Variants in FRMD4A observed in about 807,000 individuals in gnomAD.
The protein encoded by FRMD4A is FERM domain-containing protein 4A.
In FRMD4A, 29 loss-of-function variants were observed where a neutral mutation model predicts 129.1. The ratio of observed to expected loss-of-function variants is 0.22; its 90% CI spans 0.17 to 0.31. The LOEUF is 0.31. FRMD4A is among the 10% of genes least tolerant of loss of function. The pLI is 1.00. For synonymous variants in FRMD4A, 634 were observed against 571.6 expected (o/e 1.11, Z -1.56); for missense variants, 1,272 against 1,375.8 (o/e 0.92, Z 1.19).
Position 14,274,653 on chromosome 10 carries a change from C to T in FRMD4A, c.45+55405G>A, listed in dbSNP as rs989419748. On this transcript the variant is annotated intron_variant, in intron 2 of 24. Coordinates refer to ENST00000357447, the MANE Select transcript of FRMD4A (RefSeq NM_018027.5). Reference sequence around the variant, plus strand: ...ACAAAGGCTGAACCTCCGCCAGGGACGCTGAAGGGAGAATTGGAAAAATGA... The same window carrying T: ...ACAAAGGCTGAACCTCCGCCAGGGATGCTGAAGGGAGAATTGGAAAAATGA... 3.9e-5 allele frequency among the ~76,000 whole-genome samples: 6 copies of T among 152,104 alleles called. No homozygotes were observed. The East Asian group carries it at 7.7e-4, about 20-fold the overall frequency.
intron 23 of FRMD4A, 99 bp from the exon 24 acceptor site, chr10:13,652,073 C>T (rs968561636): frequency 1.2e-5 from 9 of 767,654 alleles, no homozygotes; most frequent in South Asian, 2.8e-5. Flanking sequence ...TTAATATATC[C>T]GAAAGGCTTG....
Position 13,937,043 on chromosome 10 carries a change from C to T in FRMD4A, c.46-78131G>A, listed in dbSNP as rs979576065. 2.0e-5 allele frequency among the ~76,000 whole-genome samples: 3 copies of T among 152,182 alleles called. No individual in the cohort carries two copies. The East Asian group carries it at 5.8e-4, about 29-fold the overall frequency. On this transcript the variant is annotated intron_variant, in intron 2 of 24. Transcript: ENST00000357447. The stretch of plus-strand genomic sequence containing the variant: ...CTTCTGGCTGGGCTCACCAAAGGAG[C>T]CTTGAGTTCTCAGCAATGTGGAAAT...
chr10:13,659,215 G>T, intron 21 of FRMD4A, 108 bp downstream of exon 21: 1 of 1,002,234 alleles, frequency 1.0e-6, no homozygotes, highest in Non-Finnish European at 1.6e-6. Context: ...ATCCTCCCAG[G>T]TTCAGGTCTG....
At chr10:14,064,687 C>T (rs947931816) in intron 2 of FRMD4A, among the ~76,000 whole-genome samples, 4 of 152,090 alleles carry the variant, frequency 2.6e-5, no homozygotes, top group Admixed American at 6.5e-5. Context: ...AGGTGATTCT[C>T]CTGCCTCAGC....
At chr10:14,187,817 C>CG (rs1842195978) in intron 2 of FRMD4A, among the ~76,000 whole-genome samples, 16 of 152,226 alleles carry the variant, frequency 1.1e-4, no homozygotes, top group Non-Finnish European at 1.5e-4. Context: ...ATTTGGTTTT[C>CG]TTTGATTCCA....
chr10:14,113,250 T>C (rs1462525356), intron 2 of FRMD4A, among the ~76,000 whole-genome samples: 1 of 152,186 alleles, frequency 6.6e-6, no homozygotes, highest in African/African-American at 2.4e-5. Context: ...ACACGTGAAT[T>C]TTCTTCTGCC....
intron 2 of FRMD4A, among the ~76,000 whole-genome samples, chr10:14,140,311 C>T (rs967034212): frequency 6.6e-6 from 1 of 152,200 alleles, no homozygotes; most frequent in Admixed American, 6.5e-5. Context: ...GATCCACCTG[C>T]CTTGGCCTCC....
In FRMD4A at chr10:14,008,177, T is replaced by C. The variant is rs1055117681; in HGVS notation, c.46-149265A>G. ...TGGTGTACAGCTGTGTGTGTGTGTG[T>C]GTGTGTGTGTGTGTGTGTGTGTGTG... is the stretch of plus-strand genomic sequence containing the variant. On this transcript the variant is annotated intron_variant, in intron 2 of 24. Transcript: ENST00000357447. 6.2e-6 allele frequency: 7 copies of C among 1,134,674 alleles called. No homozygotes were observed. In the African/African-American group the frequency reaches 9.6e-5, roughly 16 times the overall value. The allele number at this position is 1,134,674 out of a possible 1,614,324, so 70.3% of individuals were successfully genotyped here.
chr10:13,902,400 T>C (rs961504141), intron 2 of FRMD4A, among the ~76,000 whole-genome samples: 2 of 150,124 alleles, frequency 1.3e-5, no homozygotes, highest in African/African-American at 4.9e-5. Flanking sequence ...AAGTTGGAGA[T>C]ATCTATACAT....
chr10:13,710,938 C>T (rs1589490044), intron 12 of FRMD4A, among the ~76,000 whole-genome samples: 2 of 152,102 alleles, frequency 1.3e-5, no homozygotes, highest in African/African-American at 4.8e-5. Flanking sequence ...CACTAGAACC[C>T]GGGAGGCAGA....
At chr10:14,316,813 C>G (rs976916297) in intron 2 of FRMD4A, among the ~76,000 whole-genome samples, 2 of 152,176 alleles carry the variant, frequency 1.3e-5, no homozygotes, top group Non-Finnish European at 2.9e-5. Flanking sequence ...TGGGTGGAAC[C>G]AGAGCCACAG....
chr10:13,995,715 C>T (rs2095620110), intron 2 of FRMD4A, among the ~76,000 whole-genome samples: 1 of 152,128 alleles, frequency 6.6e-6, no homozygotes, highest in Non-Finnish European at 1.5e-5. Context: ...TGCTCGTTGA[C>T]AATTGGTCTT....
intron 2 of FRMD4A, among the ~76,000 whole-genome samples, chr10:14,193,887 G>T (rs928027577): frequency 2.6e-5 from 4 of 152,034 alleles, no homozygotes; most frequent in Non-Finnish European, 5.9e-5. Context: ...GGTGAACACT[G>T]ATCCATCCCA....
intron 16 of FRMD4A, among the ~76,000 whole-genome samples, chr10:13,671,726 A>G (rs7091018): frequency 0.43 from 64,843 of 152,082 alleles, 14,234 homozygotes; most frequent in Non-Finnish European, 0.46. Flanking sequence ...TGGCTGCCCC[A>G]CACTGTAGAG....
intron 2 of FRMD4A, among the ~76,000 whole-genome samples, chr10:13,997,047 C>A (rs1392656705): frequency 6.7e-6 from 1 of 149,234 alleles, no homozygotes; most frequent in Non-Finnish European, 1.5e-5. Context: ...TTTCCCTCTG[C>A]TAGATCTTAG....
chr10:14,161,735 G>A (rs1265643793), intron 2 of FRMD4A, among the ~76,000 whole-genome samples: 2 of 152,106 alleles, frequency 1.3e-5, no homozygotes, highest in African/African-American at 2.4e-5. Flanking sequence ...GAAGAAATAA[G>A]TTCTACTGTT....
chr10:13,800,703 G>A (rs1383337391), intron 4 of FRMD4A, among the ~76,000 whole-genome samples: 1 of 152,148 alleles, frequency 6.6e-6, no homozygotes, highest in Non-Finnish European at 1.5e-5. Context: ...TTCAAGGTGG[G>A]GACATGTCGC....
At chr10:13,854,406 T>C (rs1042121300) in intron 3 of FRMD4A, among the ~76,000 whole-genome samples, 2 of 152,042 alleles carry the variant, frequency 1.3e-5, no homozygotes, top group South Asian at 2.1e-4. Context: ...TCCTCTCATT[T>C]TGATGAAGGC....
intron 2 of FRMD4A, among the ~76,000 whole-genome samples, chr10:13,905,457 A>G (rs1399666996): frequency 6.6e-6 from 1 of 152,222 alleles, no homozygotes; most frequent in Non-Finnish European, 1.5e-5. Flanking sequence ...GAGGAAATAC[A>G]TAGTGAAGAG....
Sources: gnomAD v4.1 joint callset for allele counts (sites outside exome capture counted in the v4.1 genomes callset) on GRCh38, gnomAD v4.1.1 for gene constraint, MANE v1.5 for transcripts, NCBI Gene and HGNC (gene_info 2026-07-23, HGNC 2026-07-21) for gene names.